The following CTDSP1 variants were observed in gnomAD, a reference collection of about 807,000 sequenced individuals.
The protein encoded by CTDSP1 is CTD small phosphatase 1.
Under a neutral mutation model 32.5 loss-of-function variants are expected in CTDSP1, and 15 were observed. The observed-to-expected ratio is 0.46, with a 90% CI of 0.31 to 0.71. The LOEUF (loss-of-function observed/expected upper bound fraction) is 0.71. Among genes scored for constraint, CTDSP1 ranks in the 30% least tolerant of loss-of-function variants. CTDSP1 has a pLI of 0.05. For synonymous variants in CTDSP1, 185 were observed against 145.4 expected, an observed-to-expected ratio of 1.27 and a Z score of -1.96; for missense variants, 294 against 351.1, an observed-to-expected ratio of 0.84 and a Z score of 1.30.
At chr2:218,399,420 G>A (rs1696980867), upstream of CTDSP1, 1 of 152,230 alleles carries the variant, frequency 6.6e-6, no homozygotes, top group Non-Finnish European at 1.5e-5. Flanking sequence ...TGACGTCCTT[G>A]CGAGGTGATC....
chr2:218,399,773 C>A, upstream of CTDSP1: 8 of 1,059,292 alleles, frequency 7.6e-6, no homozygotes, highest in Non-Finnish European at 8.0e-6. Flanking sequence ...CGCGCCGGTC[C>A]CAGAAGTGGC....
chr2:218,403,783 G>A (rs888591837), intron 6 of CTDSP1: 10 of 203,232 alleles, frequency 4.9e-5, no homozygotes, highest in African/African-American at 1.4e-4. Context: ...ATATCCGGTC[G>A]GGTGCAGTGG....
chr2:218,398,371 G>A (rs1052982653), upstream of CTDSP1: 53 of 1,527,420 alleles, frequency 3.5e-5, no homozygotes, highest in Admixed American at 6.1e-4. Context: ...GCAGGCCTAG[G>A]AAAACGCCAG....
chr2:218,399,577 G>T (rs543769192), upstream of CTDSP1: 4 of 244,900 alleles, frequency 1.6e-5, no homozygotes, highest in Non-Finnish European at 2.6e-5. Flanking sequence ...GGCACTCCCC[G>T]GCGTGGGCGC....
At chr2:218,398,446 G>A (rs1465549612), upstream of CTDSP1, 5 of 1,533,502 alleles carry the variant, frequency 3.3e-6, no homozygotes, top group African/African-American at 5.5e-5. Context: ...CCAGGAGCAG[G>A]AGGAGGGCCG....
At position 218,402,975 on chromosome 2, in the gene CTDSP1, C is replaced by T. The variant is rs751962266; in HGVS notation, c.379-60C>T. 4 of 1,306,364 alleles carry T rather than the reference C, an allele frequency of 3.1e-6. No homozygotes were observed. The South Asian group carries it at 3.6e-5, about 12-fold the overall frequency. The allele number at this position is 1,306,364 out of a possible 1,614,324, so 80.9% of individuals were successfully genotyped here. A position where few individuals can be genotyped will look rare whatever the true frequency, so the allele number is the denominator to read the frequency against. ...CCTCCCTGGCCCATGCCCTGCCAGCCCTCGGCCACCCCCACACTGCCCCAC... is the reference window on the plus strand; with the variant it reads ...CCTCCCTGGCCCATGCCCTGCCAGCTCTCGGCCACCCCCACACTGCCCCAC... On this transcript the variant is annotated intron_variant, in intron 4 of 6. Coordinates refer to ENST00000273062, the MANE Select transcript of CTDSP1 (RefSeq NM_021198.3).
At chr2:218,397,463 GCTCCCCGC>G (rs1333971600), upstream of CTDSP1, among the ~76,000 whole-genome samples, 1 of 152,140 alleles carries the variant, frequency 6.6e-6, no homozygotes, top group Non-Finnish European at 1.5e-5. Flanking sequence ...TTTGTGCACG[GCTCCCCGC>G]CTCCCCCTGG....
rs774705082 is a variant in CTDSP1 at position 218,403,430 on chromosome 2, T to TGGACTG, written c.657+24_657+29dup. 2.5e-6 allele frequency: 4 copies of TGGACTG among 1,575,154 alleles called. No homozygotes were observed. Among genetic ancestry groups the TGGACTG allele is most frequent in the Middle Eastern group, 1.7e-4 (1 of 5,918 alleles). On this transcript the variant is annotated intron_variant, in intron 6 of 6. Coordinates refer to ENST00000273062, the MANE Select transcript of CTDSP1 (RefSeq NM_021198.3). The stretch of plus-strand genomic sequence containing the variant: ...TCCAGACAATGCTGTGAGTGCGGGC[T>TGGACTG]GGACTGGGACTGGGACAGGAGCTGA...
At chr2:218,403,177 C>G in intron 5 of CTDSP1, 50 bp downstream of exon 5, 2 of 1,612,900 alleles carry the variant, frequency 1.2e-6, no homozygotes, top group East Asian at 2.2e-5. Flanking sequence ...ACCTACCTCC[C>G]GCATGCAGCC....
At chr2:218,399,817 C>T (rs945200625), upstream of CTDSP1, 21 of 1,168,376 alleles carry the variant, frequency 1.8e-5, no homozygotes, top group East Asian at 7.9e-4. Context: ...CACGCCGAAG[C>T]CGTTGCCCTT....
At chr2:218,397,729 C>CT (rs1368598217), upstream of CTDSP1, among the ~76,000 whole-genome samples, 8 of 152,152 alleles carry the variant, frequency 5.3e-5, no homozygotes, top group Non-Finnish European at 1.2e-4. Context: ...TAGACAACCC[C>CT]TACAGTGAGG....
chr2:218,404,602 T>G lies in CTDSP1; in HGVS notation c.*177T>G. 1.5e-6 allele frequency: 1 copy of G among 684,728 alleles called. No homozygotes were observed. Among genetic ancestry groups the G allele is most frequent in the Non-Finnish European group, 2.4e-6 (1 of 421,646 alleles). The allele number at this position is 684,728 out of a possible 1,614,324, so 42.4% of individuals were successfully genotyped here. A position where few individuals can be genotyped will look rare whatever the true frequency, so the allele number is the denominator to read the frequency against. On this transcript the variant is annotated 3_prime_UTR_variant, in exon 7 of 7. Transcript: ENST00000273062. ...GCGGTGTAGGGGCAGCAGGCTGCAC[T>G]GAGGACCGTGAGCTCCAGGCCCCGT...
rs775151462 is a variant in CTDSP1, at chr2:218,405,693, C to T, written c.*1268C>T. 1 of 153,010 alleles carries T rather than the reference C, an allele frequency of 6.5e-6. No individual in the cohort carries two copies. Among genetic ancestry groups the T allele is most frequent in the Non-Finnish European group, 1.5e-5 (1 of 68,246 alleles). 9.5% of individuals were successfully genotyped at this position (153,010 alleles called of 1,614,324 possible). A position where few individuals can be genotyped will look rare whatever the true frequency, so the allele number is the denominator to read the frequency against. On this transcript the variant is annotated 3_prime_UTR_variant, in exon 7 of 7. Coordinates refer to ENST00000273062, the MANE Select transcript of CTDSP1 (RefSeq NM_021198.3). ...TGCCTTCCAACTGTTTCTGAAGCCC[C>T]TCCTCCTAACATGGCGATTCCGGAG...
chr2:218,404,531 C>G lies in CTDSP1; in HGVS notation c.*106C>G. 1 of 1,430,678 alleles carries G rather than the reference C, an allele frequency of 7.0e-7. No homozygotes were observed. The allele number at this position is 1,430,678 out of a possible 1,614,324, so 88.6% of individuals were successfully genotyped here. The stretch of plus-strand genomic sequence containing the variant: ...GGAAAACCCATGGGCCGCCGCCACA[C>G]TCAGTGCCATGGGGAAGCGGGCGTC... On this transcript the variant is annotated 3_prime_UTR_variant, in exon 7 of 7. Coordinates refer to ENST00000273062, the MANE Select transcript of CTDSP1 (RefSeq NM_021198.3).
chr2:218,399,113 G>C (rs112152087), upstream of CTDSP1: 1 of 152,286 alleles, frequency 6.6e-6, no homozygotes. Context: ...CCCTGGAGAA[G>C]GTGGCATTTC....
upstream of CTDSP1, among the ~76,000 whole-genome samples, chr2:218,397,621 C>A (rs1037922847): frequency 2.0e-5 from 3 of 152,174 alleles, no homozygotes; most frequent in Non-Finnish European, 4.4e-5. Flanking sequence ...CTTGTGGCCC[C>A]CATGATTTTA....
rs770877089 is a variant in CTDSP1 at position 218,404,419 on chromosome 2, G to C, written c.780G>C (p.Gly260=). The C allele has an allele frequency of 5.6e-6, 9 of 1,613,922 alleles. No individual in the cohort carries two copies. ...CAGTGCTCAGGCAGCCACGGCCAGG[G>C]AGCTAGTGAGGGTGATGGGGCCAGG... ...VYSVLRQPRP[G]S is the part of the protein sequence containing the mutation. Residue 260 remains glycine, a synonymous_variant, in exon 7 of 7, where the codon GGG becomes GGC. Coordinates refer to ENST00000273062, the MANE Select transcript of CTDSP1 (RefSeq NM_021198.3).
At chr2:218,397,977 C>T (rs1696907671), upstream of CTDSP1, among the ~76,000 whole-genome samples, 1 of 152,268 alleles carries the variant, frequency 6.6e-6, no homozygotes, top group South Asian at 2.1e-4. Context: ...CCTGAGGAAT[C>T]CTGTGAGCTC....
chr2:218,398,496 G>C, upstream of CTDSP1: 1 of 1,465,252 alleles, frequency 6.8e-7, no homozygotes, highest in Non-Finnish European at 9.1e-7. Context: ...GTCCCCGACA[G>C]TCCCCTCCCG....
Sources: allele counts gnomAD v4.1 joint callset (sites outside exome capture counted in the v4.1 genomes callset), GRCh38; gene constraint gnomAD v4.1.1; transcripts MANE v1.5; gene names NCBI Gene and HGNC (gene_info 2026-07-23, HGNC 2026-07-21).